LOXHD1: variants seen among roughly 807,000 people sequenced by gnomAD.
LOXHD1 encodes lipoxygenase homology domain-containing protein 1.
Under a neutral mutation model 248.2 loss-of-function variants are expected in LOXHD1, and 205 were observed. The observed-to-expected ratio is 0.83, with a 90% CI of 0.74 to 0.93. The LOEUF (loss-of-function observed/expected upper bound fraction) is 0.93, where lower values mean the gene tolerates loss of function less well. LOXHD1 is among the 40% of genes least tolerant of loss of function. The probability of loss-of-function intolerance (pLI) is 0.00; values close to 1 mark genes in which losing one functional copy is unlikely to be tolerated. For synonymous variants in LOXHD1, 1,113 were observed against 1,162.8 expected (o/e 0.96, Z 0.87); for missense variants, 2,930 against 2,971.6 (o/e 0.99, Z 0.33).
Position 46,542,707 on chromosome 18 carries a change from A to C in LOXHD1, c.3748+20T>G. 3.2e-6 allele frequency: 5 copies of C among 1,551,468 alleles called. No homozygotes were observed. On this transcript the variant is annotated intron_variant, in intron 24 of 40. Coordinates refer to ENST00000642948, the MANE Select transcript of LOXHD1 (RefSeq NM_001384474.1). Reference sequence around the variant, plus strand: ...GGTCCTTAAAGTCTTAGCAAGGAACAGAGGGGAGGGAAGCCACACCTGTGT... The same window carrying C: ...GGTCCTTAAAGTCTTAGCAAGGAACCGAGGGGAGGGAAGCCACACCTGTGT...
intron 14 of LOXHD1, among the ~76,000 whole-genome samples, chr18:46,575,959 A>G (rs1599019926): frequency 6.6e-6 from 1 of 151,394 alleles, no homozygotes; most frequent in Non-Finnish European, 1.5e-5. Context: ...ACTCCAGAAC[A>G]CTCCAGTCCT....
chr18:46,592,377 C>A lies in LOXHD1; in HGVS notation c.1518+121G>T. On this transcript the variant is annotated intron_variant, in intron 11 of 40. Coordinates refer to ENST00000642948, the MANE Select transcript of LOXHD1 (RefSeq NM_001384474.1). ...TATCCAAATTCAGGTCTCACCATAA[C>A]CCTTTTCAGTCCCTATTCACAATAA... is the stretch of plus-strand genomic sequence containing the variant. The A allele has an allele frequency of 1.1e-5, 9 of 854,764 alleles. No homozygotes were observed. In the Middle Eastern group the frequency reaches 1.8e-3, roughly 175 times the overall value. The allele number at this position is 854,764 out of a possible 1,614,324, so 52.9% of individuals were successfully genotyped here. A position where few individuals can be genotyped will look rare whatever the true frequency, so the allele number is the denominator to read the frequency against.
Position 46,502,274 on chromosome 18 carries a change from C to A in LOXHD1, c.5878+3564G>T, listed in dbSNP as rs549898624. The stretch of plus-strand genomic sequence containing the variant: ...TGGAAGGAAGGGTACAGTATGGAGG[C>A]AGGAATGGCTGAAAGGACTCTGGAA... On this transcript the variant is annotated intron_variant, in intron 37 of 40. Coordinates refer to ENST00000642948, the MANE Select transcript of LOXHD1 (RefSeq NM_001384474.1). Among the ~76,000 whole-genome samples the A allele has an allele frequency of 3.9e-5, 6 of 152,146 alleles. No homozygotes were observed. In the South Asian group the frequency reaches 1.3e-3, roughly 32 times the overall value.
At chr18:46,531,405 T>TC (rs1695006573) in intron 28 of LOXHD1, among the ~76,000 whole-genome samples, 1 of 152,068 alleles carries the variant, frequency 6.6e-6, no homozygotes, top group Admixed American at 6.5e-5. Context: ...GTTGACGGTC[T>TC]CCCCCCTCAT....
At chr18:46,554,774 G>A (rs940568784) in intron 21 of LOXHD1, among the ~76,000 whole-genome samples, 7 of 152,110 alleles carry the variant, frequency 4.6e-5, no homozygotes, top group South Asian at 2.1e-4. Context: ...ATATACCTGG[G>A]CATAAACTTA....
In LOXHD1 at chr18:46,638,443, C is replaced by A. The variant is rs139738721; in HGVS notation, c.511+1173G>T. On this transcript the variant is annotated intron_variant, in intron 4 of 40. Coordinates refer to ENST00000642948, the MANE Select transcript of LOXHD1 (RefSeq NM_001384474.1). Reference sequence around the variant, plus strand: ...GGTCAGGAGTTTCAGACCAGCCTGGCCAACATGGTGAAACCTCGTCTCTAC... The same window carrying A: ...GGTCAGGAGTTTCAGACCAGCCTGGACAACATGGTGAAACCTCGTCTCTAC... Among the ~76,000 whole-genome samples, 740 of 152,148 alleles carry A rather than the reference C, an allele frequency of 4.9e-3. 7 individuals carry two copies. Among genetic ancestry groups the A allele is most frequent in the Non-Finnish European group, 7.8e-3 (533 of 67,994 alleles).
intron 20 of LOXHD1, among the ~76,000 whole-genome samples, chr18:46,557,709 C>T (rs2037400625): frequency 6.6e-6 from 1 of 152,186 alleles, no homozygotes; most frequent in Non-Finnish European, 1.5e-5. Context: ...TTCTCACTCT[C>T]ATGTCCAGGA....
intron 21 of LOXHD1, among the ~76,000 whole-genome samples, chr18:46,548,608 C>G (rs1280343914): frequency 6.6e-6 from 1 of 152,104 alleles, no homozygotes; most frequent in African/African-American, 2.4e-5. Context: ...AACATTTTAT[C>G]CAATCAAATA....
intron 29 of LOXHD1, among the ~76,000 whole-genome samples, chr18:46,526,368 G>T (rs4614822): frequency 0.26 from 39,828 of 152,150 alleles, 6,512 homozygotes; most frequent in Non-Finnish European, 0.37. Flanking sequence ...GAATACCCTG[G>T]CAGAGAGAGA....
At chr18:46,607,564 G>A (rs1599045566) in intron 6 of LOXHD1, among the ~76,000 whole-genome samples, 1 of 151,620 alleles carries the variant, frequency 6.6e-6, no homozygotes, top group East Asian at 1.9e-4. Flanking sequence ...TTTTTGGGTG[G>A]TAAAATTATG....
At chr18:46,594,227 A>G in intron 9 of LOXHD1, 104 bp downstream of exon 9, 3 of 1,411,266 alleles carry the variant, frequency 2.1e-6, no homozygotes, top group Non-Finnish European at 2.9e-6. Flanking sequence ...AGACTTGAGA[A>G]GCAGGAGTGG....
At chr18:46,492,865 G>A (rs2033584825) in intron 37 of LOXHD1, among the ~76,000 whole-genome samples, 1 of 152,176 alleles carries the variant, frequency 6.6e-6, no homozygotes, top group Non-Finnish European at 1.5e-5. Context: ...CCTTGTTGAT[G>A]GGTAGTTAGT....
intron 37 of LOXHD1, among the ~76,000 whole-genome samples, chr18:46,492,052 T>C (rs987761469): frequency 1.2e-4 from 19 of 152,242 alleles, no homozygotes; most frequent in African/African-American, 3.9e-4. Context: ...TTGGGTGTGA[T>C]TGACAGGGAT....
chr18:46,649,276 G>C lies in LOXHD1; in HGVS notation c.131-7C>G, dbSNP rs1464245470. The C allele has an allele frequency of 1.3e-6, 2 of 1,546,894 alleles. No homozygotes were observed. The stretch of plus-strand genomic sequence containing the variant: ...GCTGTGACCACTTCATACACTGGAG[G>C]AGGAGAGGAGGAGACAGATTGCAGG... On this transcript the variant is annotated splice_region_variant and splice_polypyrimidine_tract_variant and intron_variant, in intron 1 of 40. Coordinates refer to ENST00000642948, the MANE Select transcript of LOXHD1 (RefSeq NM_001384474.1).
rs1361028790 is a variant in LOXHD1, at chr18:46,560,211, T to C, written c.2933A>G (p.Glu978Gly). The change falls in exon 19 of 41, where the codon GAG (glutamate) becomes GGG (glycine). Residue 978 changes from glutamate (E) to glycine (G), a missense_variant. Glu to Gly is a moderately conservative substitution (Grantham distance 98). Coordinates refer to ENST00000642948, the MANE Select transcript of LOXHD1 (RefSeq NM_001384474.1). ...CACCTCCTGCATCCCCGGCCCAAAC[T>C]CCTCCTCTTCCTCCTCTTCTTCCAT... ...EEMEEEEEEE[E>G]FGPGMQEVIE... is the part of the protein sequence containing the mutation. 4 of 1,551,280 alleles carry C rather than the reference T, an allele frequency of 2.6e-6. No individual in the cohort carries two copies.
chr18:46,519,425 C>T (rs981510471), intron 33 of LOXHD1, among the ~76,000 whole-genome samples: 2 of 152,328 alleles, frequency 1.3e-5, no homozygotes, highest in African/African-American at 2.4e-5. Flanking sequence ...GCTTTTCTGG[C>T]AGCATCTAGA....
chr18:46,551,412 G>A (rs536691969), intron 21 of LOXHD1, among the ~76,000 whole-genome samples: 4 of 152,028 alleles, frequency 2.6e-5, no homozygotes, highest in South Asian at 4.2e-4. Context: ...CAACTCCTAA[G>A]TTCCTTAATT....
Position 46,546,902 on chromosome 18 carries a change from C to A in LOXHD1, c.3507G>T (p.Glu1169Asp), listed in dbSNP as rs1054292116. The change falls in exon 22 of 41, where the codon GAG becomes GAT. Residue 1169 changes from glutamate to aspartate, a missense_variant. Glu to Asp is a conservative substitution (Grantham distance 45, BLOSUM62 2). Coordinates refer to ENST00000642948, the MANE Select transcript of LOXHD1 (RefSeq NM_001384474.1). ...AGCTCTAGTTTAGAAAACCTTTCTG[C>A]TCCAGGGCCAGGTTGTCGAGGGGGT... ...DNNPLDNLAL[E>D]QKDKSTTFSV... 14 of 1,549,656 alleles carry A rather than the reference C, an allele frequency of 9.0e-6. No individual in the cohort carries two copies. The East Asian group carries it at 3.4e-4, about 38-fold the overall frequency.
At chr18:46,590,644 A>G (rs2038148843) in intron 12 of LOXHD1, among the ~76,000 whole-genome samples, 1 of 152,182 alleles carries the variant, frequency 6.6e-6, no homozygotes, top group African/African-American at 2.4e-5. Context: ...GGAATGGGTT[A>G]TATGTTATCA....
Sources: gnomAD v4.1 joint callset for allele counts (sites outside exome capture counted in the v4.1 genomes callset) on GRCh38, gnomAD v4.1.1 for gene constraint, MANE v1.5 for transcripts, NCBI Gene and HGNC (gene_info 2026-07-23, HGNC 2026-07-21) for gene names.